Variants in TBRG1 observed in about 807,000 individuals in gnomAD.
The protein encoded by TBRG1 is nuclear interactor of ARF and MDM2.
TBRG1 carries 31 observed loss-of-function variants against 44.0 expected under a neutral mutation model. The observed-to-expected ratio is 0.70, with a 90% confidence interval of 0.53 to 0.95. The LOEUF is 0.95. Ranked by LOEUF, TBRG1 falls within the 40% of genes least tolerant of loss-of-function variation. The probability of loss-of-function intolerance (pLI) is 0.00; values close to 1 mark genes in which losing one functional copy is unlikely to be tolerated. For missense variants in TBRG1, 487 were observed against 496.1 expected, an observed-to-expected ratio of 0.98 and a Z score of 0.18; for synonymous variants, 171 against 188.1, an observed-to-expected ratio of 0.91 and a Z score of 0.74.
rs1392457399 is a variant in TBRG1, at chr11:124,634,419, T to C, written c.*2181T>C. The C allele has an allele frequency of 2.6e-5, 4 of 152,224 alleles. No individual in the cohort carries two copies. The highest frequency in any genetic ancestry group is 4.8e-5 in the African/African-American group (2 of 41,436). 9.4% of individuals were successfully genotyped at this position (152,224 alleles called of 1,614,324 possible). A position where few individuals can be genotyped will look rare whatever the true frequency, so the allele number is the denominator to read the frequency against. ...CATCTATCAGATTGTTAAGGATTTT[T>C]TTTAAATTTGACAACATCCAGTGTC... On this transcript the variant is annotated 3_prime_UTR_variant, in exon 9 of 9. Transcript: ENST00000441174.
At chr11:124,628,490 A>G (rs1942534354) in intron 5 of TBRG1, among the ~76,000 whole-genome samples, 1 of 151,208 alleles carries the variant, frequency 6.6e-6, no homozygotes, top group South Asian at 2.1e-4. Context: ...AATACCAGAT[A>G]AAGTGCTCCT....
Position 124,625,775 on chromosome 11 carries a change from C to T in TBRG1, c.326C>T (p.Ala109Val). The stretch of plus-strand genomic sequence containing the variant: ...AGTTTGCCCCTGACTTATGGTGTGG[C>T]CAGCTCTGTGGGAACTATACAGGGA... ...SSSLPLTYGV[A>V]SSVGTIQGAG... Residue 109 changes from alanine (A) to valine (V), a missense_variant, in exon 3 of 9, where the codon GCC becomes GTC. Physicochemically the swap from Ala to Val is moderately conservative, Grantham distance 64 (BLOSUM62 0). Coordinates refer to ENST00000441174, the MANE Select transcript of TBRG1 (RefSeq NM_032811.3). 6.3e-7 allele frequency: 1 copy of T among 1,575,308 alleles called. No individual in the cohort carries two copies. The highest frequency in any genetic ancestry group is 8.6e-7 in the Non-Finnish European group (1 of 1,159,092).
Position 124,622,896 on chromosome 11 carries a change from C to G in TBRG1, c.-188C>G. On this transcript the variant is annotated 5_prime_UTR_variant, in exon 1 of 9. Coordinates refer to ENST00000441174, the MANE Select transcript of TBRG1 (RefSeq NM_032811.3). Reference sequence around the variant, plus strand: ...AGACAGACACGGAAGTGCTGGGAGGCGCCGGGAGCCCGTTCGGTTGCGGGT... The same window carrying G: ...AGACAGACACGGAAGTGCTGGGAGGGGCCGGGAGCCCGTTCGGTTGCGGGT... 4 of 602,076 alleles carry G rather than the reference C, an allele frequency of 6.6e-6. No individual in the cohort carries two copies. The highest frequency in any genetic ancestry group is 8.5e-6 in the Non-Finnish European group (3 of 354,434). The allele number at this position is 602,076 out of a possible 1,614,324, so 37.3% of individuals were successfully genotyped here.
intron 8 of TBRG1, chr11:124,631,814 G>C: frequency 4.5e-6 from 2 of 446,356 alleles, no homozygotes; most frequent in South Asian, 5.6e-5. Flanking sequence ...AGTGATCAAG[G>C]GTTCAGGCTT....
chr11:124,625,817 G>A lies in TBRG1; in HGVS notation c.368G>A (p.Gly123Glu), dbSNP rs1156803910. The A allele has an allele frequency of 4.1e-5, 65 of 1,583,032 alleles. No individual in the cohort carries two copies. Among genetic ancestry groups the A allele is most frequent in the Non-Finnish European group, 5.4e-5 (63 of 1,164,348 alleles). ...ATACAGGGAGCTGGGCCTATTTCAG[G>A]GCCCAGCACTGGGGCTGAGGAACCA... ...GTIQGAGPIS[G>E]PSTGAEEPFG... Residue 123 changes from glycine to glutamate, a missense_variant, in exon 3 of 9, where the codon GGG (glycine) becomes GAG (glutamate). Gly to Glu is a moderately conservative substitution (Grantham distance 98). Transcript: ENST00000441174.
intron 5 of TBRG1, chr11:124,629,975 A>C (rs1192570883): frequency 6.4e-6 from 1 of 157,274 alleles, no homozygotes; most frequent in Admixed American, 6.1e-5. Flanking sequence ...TTAACGTTCA[A>C]AATGAAAGTA....
At chr11:124,624,012 A>G (rs1942400509) in intron 1 of TBRG1, among the ~76,000 whole-genome samples, 1 of 152,210 alleles carries the variant, frequency 6.6e-6, no homozygotes, top group African/African-American at 2.4e-5. Context: ...TTGGAAGCAT[A>G]AGGAAAGGTT....
intron 3 of TBRG1, 64 bp from the exon 4 acceptor site, chr11:124,626,409 A>G (rs2134326877): frequency 7.0e-7 from 1 of 1,423,898 alleles, no homozygotes; most frequent in East Asian, 2.5e-5. Flanking sequence ...TCACGTGCAA[A>G]TTTATCCCTT....
At chr11:124,628,937 T>C (rs938510602) in intron 5 of TBRG1, among the ~76,000 whole-genome samples, 1 of 152,238 alleles carries the variant, frequency 6.6e-6, no homozygotes, top group Non-Finnish European at 1.5e-5. Context: ...CCTAAATACC[T>C]ATCAATGAGA....
rs2134345004 is a variant in TBRG1, at chr11:124,635,369, C to T, written c.*3131C>T. The T allele has an allele frequency of 1.3e-5, 2 of 151,594 alleles. 1 individual carries two copies. The highest frequency in any genetic ancestry group is 4.2e-4 in the South Asian group (2 of 4,778). 9.4% of individuals were successfully genotyped at this position (151,594 alleles called of 1,614,324 possible). A position where few individuals can be genotyped will look rare whatever the true frequency, so the allele number is the denominator to read the frequency against. ...AGTGTGTAGATTTTTTGTTTTTTAA[C>T]TAAATAAAATCTTGGCACTGACAAA... is the stretch of plus-strand genomic sequence containing the variant. On this transcript the variant is annotated 3_prime_UTR_variant, in exon 9 of 9. Coordinates refer to ENST00000441174, the MANE Select transcript of TBRG1 (RefSeq NM_032811.3).
rs1401645890 is a variant in TBRG1, at chr11:124,630,862, G to T, written c.947+7G>T. 2 of 1,550,474 alleles carry T rather than the reference G, an allele frequency of 1.3e-6. No individual in the cohort carries two copies. The highest frequency in any genetic ancestry group is 1.8e-6 in the Non-Finnish European group (2 of 1,134,464). On this transcript the variant is annotated splice_region_variant and intron_variant, in intron 7 of 8. Transcript: ENST00000441174. ...GAGCTCGAAAATGCATCAAGTAAGT[G>T]TGATCAAATTCATTCCCTTGAGAAA...
intron 5 of TBRG1, 180 bp from the exon 6 acceptor site, chr11:124,630,206 CTT>C (rs1173836696): frequency 4.1e-5 from 23 of 560,420 alleles, no homozygotes; most frequent in Middle Eastern, 5.6e-4. Context: ...AGTCAAAGGA[CTT>C]TCTCTAGGTA....
intron 1 of TBRG1, chr11:124,623,559 G>A (rs1942389985): frequency 7.6e-6 from 3 of 395,972 alleles, no homozygotes; most frequent in African/African-American, 6.2e-5. Flanking sequence ...TCGAGATACA[G>A]CCCTGAGAAT....
rs377150923 is a variant in TBRG1 at position 124,630,356 on chromosome 11, G to T, written c.739-32G>T. 9.3e-6 allele frequency: 13 copies of T among 1,393,650 alleles called. No homozygotes were observed. In the African/African-American group the frequency reaches 1.6e-4, roughly 17 times the overall value. 86.3% of individuals were successfully genotyped at this position (1,393,650 alleles called of 1,614,324 possible). On this transcript the variant is annotated intron_variant, in intron 5 of 8. Transcript: ENST00000441174. ...TGCCCCTCTCTCCTTCCTTCTTGAG[G>T]ATTGATCTCATTGCTCGTTTGTCTT...
At chr11:124,628,317 A>T (rs537125152) in intron 5 of TBRG1, among the ~76,000 whole-genome samples, 7 of 150,948 alleles carry the variant, frequency 4.6e-5, no homozygotes, top group African/African-American at 1.7e-4. Flanking sequence ...TTAGGGTGAG[A>T]TGAAAAGGCT....
intron 1 of TBRG1, 186 bp downstream of exon 1, chr11:124,623,419 T>G (rs895455918): frequency 4.0e-5 from 29 of 725,532 alleles, no homozygotes; most frequent in Non-Finnish European, 6.6e-5. Flanking sequence ...CATCTGTAAA[T>G]GAGCTAGTAA....
At chr11:124,623,425 A>G (rs1942386836) in intron 1 of TBRG1, 192 bp downstream of exon 1, 4 of 714,814 alleles carry the variant, frequency 5.6e-6, no homozygotes, top group African/African-American at 1.7e-5. Context: ...TAAATGAGCT[A>G]GTAACTGTCT....
chr11:124,624,898 T>C (rs1457854820), intron 1 of TBRG1, 33 bp from the exon 2 acceptor site: 2 of 1,372,406 alleles, frequency 1.5e-6, no homozygotes, highest in Admixed American at 2.1e-5. Context: ...TTTTATTCAT[T>C]TTATGTTATT....
At chr11:124,623,932 T>A (rs1021337152) in intron 1 of TBRG1, among the ~76,000 whole-genome samples, 2 of 152,328 alleles carry the variant, frequency 1.3e-5, no homozygotes, top group Non-Finnish European at 1.5e-5. Context: ...AGTCCTCAAA[T>A]GTCCCCCCAC....
Sources: allele counts gnomAD v4.1 joint callset (sites outside exome capture counted in the v4.1 genomes callset), GRCh38; gene constraint gnomAD v4.1.1; transcripts MANE v1.5; gene names NCBI Gene and HGNC (gene_info 2026-07-23, HGNC 2026-07-21).